Variants in MECOM observed in about 807,000 individuals in gnomAD.
MECOM encodes the protein histone-lysine N-methyltransferase MECOM.
A neutral mutation model predicts 116.3 loss-of-function variants in MECOM; 13 were observed. The ratio of observed to expected loss-of-function variants is 0.11; its 90% confidence interval spans 0.07 to 0.18. The LOEUF is 0.18. Among genes scored for constraint, MECOM ranks in the 10% least tolerant of loss-of-function variants. The pLI, the probability that MECOM is intolerant of heterozygous loss-of-function variation, is 1.00. For missense variants in MECOM, 1,299 were observed against 1,509.0 expected (o/e 0.86, Z 2.31); for synonymous variants, 528 against 535.2 (o/e 0.99, Z 0.19).
intron 2 of MECOM, among the ~76,000 whole-genome samples, chr3:169,371,379 G>C (rs1265550185): frequency 6.6e-6 from 1 of 151,828 alleles, no homozygotes; most frequent in African/African-American, 2.4e-5. Context: ...GGGAGATGTT[G>C]GTTAAAGGGT....
At chr3:169,566,703 G>A (rs375284010) in intron 1 of MECOM, among the ~76,000 whole-genome samples, 12 of 152,248 alleles carry the variant, frequency 7.9e-5, no homozygotes, top group African/African-American at 1.7e-4. Flanking sequence ...CCCAGCAGAT[G>A]AGCCCAAGCC....
At chr3:169,365,453 G>A (rs1214141536) in intron 2 of MECOM, among the ~76,000 whole-genome samples, 5 of 151,914 alleles carry the variant, frequency 3.3e-5, no homozygotes, top group Non-Finnish European at 5.9e-5. Context: ...CTGACTATCC[G>A]ATACTCACAT....
chr3:169,533,849 T>C (rs562513382), intron 1 of MECOM, among the ~76,000 whole-genome samples: 4 of 152,254 alleles, frequency 2.6e-5, no homozygotes, highest in Admixed American at 1.3e-4. Flanking sequence ...TTCTTTAGAG[T>C]CTAAGAAGTT....
chr3:169,605,868 G>C, intron 1 of MECOM, among the ~76,000 whole-genome samples: 1 of 152,134 alleles, frequency 6.6e-6, no homozygotes, highest in East Asian at 1.9e-4. Flanking sequence ...ATGATGTAAC[G>C]CATTTGATGC....
intron 2 of MECOM, among the ~76,000 whole-genome samples, chr3:169,266,020 A>G (rs1758254912): frequency 6.6e-6 from 1 of 152,212 alleles, no homozygotes; most frequent in African/African-American, 2.4e-5. Context: ...AATCCTGTCA[A>G]GAACAAAATC....
At chr3:169,308,631 C>A (rs545597957) in intron 2 of MECOM, among the ~76,000 whole-genome samples, 1 of 152,260 alleles carries the variant, frequency 6.6e-6, no homozygotes, top group South Asian at 2.1e-4. Context: ...ATTTGTCAAT[C>A]GTCACTTAAG....
At chr3:169,558,919 T>C (rs1269614383) in intron 1 of MECOM, among the ~76,000 whole-genome samples, 1 of 152,122 alleles carries the variant, frequency 6.6e-6, no homozygotes, top group Non-Finnish European at 1.5e-5. Context: ...TAATGAATGA[T>C]GATAGACCCA....
chr3:169,084,412 T>C lies in MECOM; in HGVS notation c.*497A>G, dbSNP rs1221236838. 4.3e-6 allele frequency: 1 copy of C among 232,440 alleles called. No homozygotes were observed. The highest frequency in any genetic ancestry group is 8.5e-6 in the Non-Finnish European group (1 of 117,754). The allele number at this position is 232,440 out of a possible 1,614,324, so 14.4% of individuals were successfully genotyped here. A position where few individuals can be genotyped will look rare whatever the true frequency, so the allele number is the denominator to read the frequency against. Reference sequence around the variant, plus strand: ...TAATTGACTGTGCATTTCATCCAACTACTTCTGTCTTCAAAGGGTTAAATT... The same window carrying C: ...TAATTGACTGTGCATTTCATCCAACCACTTCTGTCTTCAAAGGGTTAAATT... On this transcript the variant is annotated 3_prime_UTR_variant, in exon 17 of 17. Coordinates refer to ENST00000651503, the MANE Select transcript of MECOM (RefSeq NM_004991.4).
chr3:169,207,463 T>G (rs1292079566), intron 2 of MECOM, among the ~76,000 whole-genome samples: 1 of 152,194 alleles, frequency 6.6e-6, no homozygotes, highest in Non-Finnish European at 1.5e-5. Context: ...TTTAATAATA[T>G]AGATATAAGA....
At chr3:169,521,231 C>T (rs1021810808) in intron 1 of MECOM, among the ~76,000 whole-genome samples, 5 of 152,128 alleles carry the variant, frequency 3.3e-5, no homozygotes, top group African/African-American at 4.8e-5. Context: ...ACTATCTCTT[C>T]GTTCATAGCT....
At chr3:169,125,442 T>C (rs1577056731) in intron 5 of MECOM, among the ~76,000 whole-genome samples, 2 of 152,248 alleles carry the variant, frequency 1.3e-5, no homozygotes, top group South Asian at 4.1e-4. Flanking sequence ...TGGCAAAAGC[T>C]TGGCCTATAT....
At chr3:169,125,802 A>T (rs1056515995) in intron 5 of MECOM, among the ~76,000 whole-genome samples, 1 of 152,140 alleles carries the variant, frequency 6.6e-6, no homozygotes, top group African/African-American at 2.4e-5. Flanking sequence ...CACCTTTTGC[A>T]CATTGACCTT....
intron 2 of MECOM, among the ~76,000 whole-genome samples, chr3:169,364,074 C>T (rs1283063761): frequency 1.3e-5 from 2 of 151,984 alleles, no homozygotes; most frequent in East Asian, 2.0e-4. Context: ...TACATCTGTT[C>T]AATTAAAATG....
intron 2 of MECOM, among the ~76,000 whole-genome samples, chr3:169,235,561 A>G (rs989992755): frequency 1.3e-5 from 2 of 152,174 alleles, no homozygotes; most frequent in Non-Finnish European, 2.9e-5. Flanking sequence ...AATAATAAAA[A>G]AGTAAAATTT....
At chr3:169,333,749 C>T (rs1723118514) in intron 2 of MECOM, among the ~76,000 whole-genome samples, 1 of 151,894 alleles carries the variant, frequency 6.6e-6, no homozygotes, top group South Asian at 2.1e-4. Flanking sequence ...CATTTTTGTG[C>T]TGCTTAGGAA....
chr3:169,561,995 A>G (rs1447358643), intron 1 of MECOM, among the ~76,000 whole-genome samples: 4 of 151,634 alleles, frequency 2.6e-5, no homozygotes, highest in Non-Finnish European at 5.9e-5. Context: ...AAAATACAAA[A>G]ATTAGCCCGG....
At chr3:169,391,773 C>A (rs1315641003) in intron 1 of MECOM, among the ~76,000 whole-genome samples, 5 of 152,056 alleles carry the variant, frequency 3.3e-5, no homozygotes, top group Admixed American at 2.0e-4. Flanking sequence ...TCATAGACTA[C>A]CAAACTATGT....
At chr3:169,362,867 C>A (rs1323350491) in intron 2 of MECOM, among the ~76,000 whole-genome samples, 2 of 151,952 alleles carry the variant, frequency 1.3e-5, no homozygotes, top group Admixed American at 6.6e-5. Context: ...AACATTAGAC[C>A]TTTTGCTTCC....
chr3:169,376,748 A>G (rs192124413), intron 2 of MECOM, among the ~76,000 whole-genome samples: 303 of 152,324 alleles, frequency 2.0e-3, no homozygotes, highest in African/African-American at 7.0e-3. Flanking sequence ...AATTGGCCAT[A>G]CTGCTCAAAG....
Sources: gnomAD v4.1 joint callset for allele counts (sites outside exome capture counted in the v4.1 genomes callset) on GRCh38, gnomAD v4.1.1 for gene constraint, MANE v1.5 for transcripts, NCBI Gene and HGNC (gene_info 2026-07-23, HGNC 2026-07-21) for gene names.